PDE4B: variants seen among roughly 807,000 people sequenced by gnomAD.
The protein encoded by PDE4B is phosphodiesterase 4B.
PDE4B carries 20 observed loss-of-function variants against 82.2 expected under a neutral mutation model. The observed-to-expected ratio is 0.24, with a 90% CI of 0.17 to 0.35. The LOEUF is 0.35. PDE4B is among the 10% of genes least tolerant of loss of function. The probability of loss-of-function intolerance (pLI) is 1.00; values close to 1 mark genes in which losing one functional copy is unlikely to be tolerated. For synonymous variants in PDE4B, 320 were observed against 318.9 expected (o/e 1.00, Z -0.04); for missense variants, 655 against 907.2 (o/e 0.72, Z 3.57).
intron 1 of PDE4B, among the ~76,000 whole-genome samples, chr1:65,795,471 C>G (rs181783155): frequency 1.5e-3 from 227 of 152,342 alleles, no homozygotes; most frequent in African/African-American, 5.2e-3. Context: ...TGTGGTAATA[C>G]AGTGGACACT....
intron 7 of PDE4B, among the ~76,000 whole-genome samples, chr1:66,292,285 A>G (rs1657144445): frequency 6.6e-6 from 1 of 152,180 alleles, no homozygotes; most frequent in African/African-American, 2.4e-5. Context: ...TTATATATCT[A>G]TTTCATATGT....
chr1:66,240,402 A>G (rs1486283106), intron 3 of PDE4B, among the ~76,000 whole-genome samples: 8 of 152,224 alleles, frequency 5.3e-5, no homozygotes, highest in Admixed American at 5.2e-4. Context: ...GAACTAAAGG[A>G]CAAGTTTTAC....
rs75809146 is a variant in PDE4B, at chr1:66,247,874, C to T, written c.476+220C>T. The stretch of plus-strand genomic sequence containing the variant: ...CCAAGGGTTTTGGAAAACCTAGACA[C>T]AGTGTTTACTTTACATCTTTTACTG... On this transcript the variant is annotated intron_variant, in intron 4 of 16. Transcript: ENST00000341517. 2.0e-3 allele frequency among the ~76,000 whole-genome samples: 310 copies of T among 152,316 alleles called. 1 individual carries two copies. The Middle Eastern group carries it at 0.02, about 10-fold the overall frequency.
chr1:65,920,913 A>C (rs767757131), intron 3 of PDE4B, among the ~76,000 whole-genome samples: 2 of 151,592 alleles, frequency 1.3e-5, no homozygotes, highest in Non-Finnish European at 2.9e-5. Context: ...TAGAGTATGC[A>C]GATAACTCTG....
chr1:65,900,433 A>G (rs1283470270), intron 1 of PDE4B, among the ~76,000 whole-genome samples: 3 of 151,936 alleles, frequency 2.0e-5, no homozygotes, highest in Admixed American at 1.3e-4. Context: ...TGCTTTCACT[A>G]TCTGGGCTCT....
At chr1:66,330,549 G>C (rs916200766) in intron 7 of PDE4B, among the ~76,000 whole-genome samples, 6 of 152,256 alleles carry the variant, frequency 3.9e-5, no homozygotes, top group African/African-American at 1.2e-4. Flanking sequence ...TCTCCCCACC[G>C]TCCTGGTGAA....
intron 3 of PDE4B, among the ~76,000 whole-genome samples, chr1:66,028,367 G>A (rs12746982): frequency 9.4e-4 from 143 of 152,272 alleles, no homozygotes; most frequent in South Asian, 2.9e-3. Context: ...CCTGGGCCTA[G>A]TCCACAAAAC....
At chr1:66,217,058 T>C (rs1650519456) in intron 3 of PDE4B, among the ~76,000 whole-genome samples, 1 of 152,044 alleles carries the variant, frequency 6.6e-6, no homozygotes, top group South Asian at 2.1e-4. Flanking sequence ...AAGTTTATTC[T>C]CCCAGCATAA....
intron 1 of PDE4B, among the ~76,000 whole-genome samples, chr1:65,805,255 G>A (rs1308524213): frequency 6.6e-6 from 1 of 152,188 alleles, no homozygotes; most frequent in Admixed American, 6.5e-5. Flanking sequence ...GTGAGCCACT[G>A]CTCCTGGCCA....
intron 3 of PDE4B, among the ~76,000 whole-genome samples, chr1:65,985,183 G>A (rs1235606769): frequency 6.6e-6 from 1 of 152,164 alleles, no homozygotes; most frequent in East Asian, 1.9e-4. Context: ...ACCCTTATAA[G>A]GCTCATAGTA....
At chr1:66,131,013 A>G (rs1570307577) in intron 3 of PDE4B, among the ~76,000 whole-genome samples, 1 of 152,312 alleles carries the variant, frequency 6.6e-6, no homozygotes, top group Admixed American at 6.5e-5. Context: ...AATGTCATGC[A>G]TGTTGTAAAA....
At chr1:66,168,694 C>T (rs1359783153) in intron 3 of PDE4B, among the ~76,000 whole-genome samples, 2 of 152,138 alleles carry the variant, frequency 1.3e-5, no homozygotes, top group Admixed American at 1.3e-4. Context: ...AGCTGGTTAA[C>T]GATGTGTGAC....
chr1:65,888,786 T>G (rs376081350), intron 1 of PDE4B, among the ~76,000 whole-genome samples: 1 of 152,192 alleles, frequency 6.6e-6, no homozygotes, highest in East Asian at 1.9e-4. Flanking sequence ...CTGATTTTTG[T>G]ATATTGATAT....
intron 3 of PDE4B, among the ~76,000 whole-genome samples, chr1:66,223,593 C>T (rs1049435620): frequency 6.6e-6 from 1 of 152,176 alleles, no homozygotes; most frequent in Non-Finnish European, 1.5e-5. Context: ...CATCCCTAGA[C>T]TCCTAGCTGA....
At chr1:65,896,545 C>T (rs1358456473) in intron 1 of PDE4B, among the ~76,000 whole-genome samples, 1 of 152,136 alleles carries the variant, frequency 6.6e-6, no homozygotes, top group Admixed American at 6.6e-5. Context: ...CAAAATCTTT[C>T]TGTGATCCAG....
At chr1:66,352,573 A>G (rs923299264) in intron 8 of PDE4B, among the ~76,000 whole-genome samples, 4 of 152,218 alleles carry the variant, frequency 2.6e-5, no homozygotes, top group African/African-American at 4.8e-5. Flanking sequence ...TTCTGAGCAG[A>G]GTTGCCGATA....
intron 1 of PDE4B, among the ~76,000 whole-genome samples, chr1:65,801,775 C>T (rs1645696924): frequency 6.6e-6 from 1 of 152,124 alleles, no homozygotes; most frequent in Admixed American, 6.5e-5. Flanking sequence ...TAATTGTTTT[C>T]CCCATTTGGA....
chr1:66,029,698 AC>A (rs989252887), intron 3 of PDE4B, among the ~76,000 whole-genome samples: 69 of 152,138 alleles, frequency 4.5e-4, no homozygotes, highest in African/African-American at 1.6e-3. Flanking sequence ...AGCACTACTG[AC>A]AAAGTTTCTT....
At chr1:66,180,869 A>C (rs570374434) in intron 3 of PDE4B, among the ~76,000 whole-genome samples, 1 of 152,340 alleles carries the variant, frequency 6.6e-6, no homozygotes, top group East Asian at 1.9e-4. Context: ...ACTATCTAGC[A>C]CTGTGCCTGG....
Sources: gnomAD v4.1 joint callset for allele counts (sites outside exome capture counted in the v4.1 genomes callset) on GRCh38, gnomAD v4.1.1 for gene constraint, MANE v1.5 for transcripts, NCBI Gene and HGNC (gene_info 2026-07-23, HGNC 2026-07-21) for gene names.